POLR1B: variants seen among roughly 807,000 people sequenced by gnomAD.
POLR1B encodes DNA-directed RNA polymerase I subunit RPA2.
POLR1B carries 30 observed loss-of-function variants against 105.8 expected under a neutral mutation model. The observed-to-expected ratio is 0.28, with a 90% CI of 0.21 to 0.38. The LOEUF is 0.38. Ranked by LOEUF, POLR1B falls within the 10% of genes least tolerant of loss-of-function variation. POLR1B has a pLI of 1.00. For synonymous variants in POLR1B, 485 were observed against 505.1 expected (o/e 0.96, Z 0.53); for missense variants, 976 against 1,435.8 (o/e 0.68, Z 5.17).
In POLR1B at chr2:112,573,473, A is replaced by T. The variant is rs140012817; in HGVS notation, c.2272-89A>T. On this transcript the variant is annotated intron_variant, in intron 13 of 14. Transcript: ENST00000263331. ...GGAAAGTTAAAATGTGATGCCAGTT[A>T]TCCTAAACCAAGTATGATAGTCCCA... 603 of 1,457,330 alleles carry T rather than the reference A, an allele frequency of 4.1e-4. 1 individual carries two copies. In the East Asian group the frequency reaches 9.4e-3, roughly 23 times the overall value. 90.3% of individuals were successfully genotyped at this position (1,457,330 alleles called of 1,614,324 possible).
At chr2:112,566,300 AGTAACTT>A (rs1290647102) in intron 10 of POLR1B, among the ~76,000 whole-genome samples, 20 of 152,322 alleles carry the variant, frequency 1.3e-4, no homozygotes, top group African/African-American at 4.6e-4. Flanking sequence ...CTCTGTAATA[AGTAACTT>A]GTGGAGAGAT....
At chr2:112,553,325 G>T (rs1207084383) in intron 7 of POLR1B, 1 of 152,090 alleles carries the variant, frequency 6.6e-6, no homozygotes, top group African/African-American at 2.4e-5. Flanking sequence ...TGCATTTGGT[G>T]CTATGTTTTT....
intron 12 of POLR1B, among the ~76,000 whole-genome samples, chr2:112,569,472 C>T (rs1436489953): frequency 2.0e-5 from 3 of 152,146 alleles, no homozygotes; most frequent in African/African-American, 7.2e-5. Flanking sequence ...TATTTTTCTT[C>T]CAACACTTAA....
intron 5 of POLR1B, among the ~76,000 whole-genome samples, chr2:112,551,289 A>T (rs1683353273): frequency 6.6e-6 from 1 of 152,314 alleles, no homozygotes; most frequent in East Asian, 1.9e-4. Flanking sequence ...AGGACTTCCA[A>T]GGTGGCTCAC....
intron 2 of POLR1B, 61 bp downstream of exon 2, chr2:112,547,240 G>A (rs879069441): frequency 1.1e-5 from 18 of 1,578,616 alleles, no homozygotes; most frequent in Middle Eastern, 1.7e-4. Flanking sequence ...TAGGGCGGGT[G>A]CCTAATAAAG....
intron 3 of POLR1B, among the ~76,000 whole-genome samples, chr2:112,548,673 C>T (rs905283673): frequency 3.3e-5 from 5 of 151,010 alleles, no homozygotes; most frequent in Admixed American, 2.0e-4. Context: ...AGCGCAGTGG[C>T]GCAATCTTGG....
rs41278940 is a variant in POLR1B at position 112,557,723 on chromosome 2, C to T, written c.1159-187C>T. ...TCCCAAGTAGCTGGAACTACAGGCA[C>T]GCCCCACCCCCTCACCCCACCCCCT... is the stretch of plus-strand genomic sequence containing the variant. On this transcript the variant is annotated intron_variant, in intron 7 of 14. Transcript: ENST00000263331. Among the ~76,000 whole-genome samples the T allele has an allele frequency of 0.37, 54,962 of 147,636 alleles. 11,274 individuals are homozygous for T. The highest frequency in any genetic ancestry group is 0.47 in the Middle Eastern group (132 of 278).
chr2:112,545,852 C>T (rs1479677077), intron 1 of POLR1B: 1 of 345,504 alleles, frequency 2.9e-6, no homozygotes, highest in South Asian at 2.2e-5. Context: ...CCCTATGTGG[C>T]CCAGCCTGGT....
intron 1 of POLR1B, 176 bp downstream of exon 1, chr2:112,542,847 G>C (rs1309531605): frequency 1.4e-6 from 1 of 715,358 alleles, no homozygotes; most frequent in East Asian, 2.7e-5. Context: ...GTGAGACTTG[G>C]AGTCGAGGCG....
intron 4 of POLR1B, 47 bp downstream of exon 4, chr2:112,549,446 C>CTTTT: frequency 9.5e-7 from 1 of 1,051,042 alleles, no homozygotes. Flanking sequence ...AAATTTAAAA[C>CTTTT]TTTTTTTTTT....
At chr2:112,551,189 C>T (rs940250162) in intron 5 of POLR1B, among the ~76,000 whole-genome samples, 187 bp downstream of exon 5, 6 of 152,152 alleles carry the variant, frequency 3.9e-5, no homozygotes, top group African/African-American at 9.7e-5. Flanking sequence ...TTCTGCGGGT[C>T]GGGAGTTTGG....
rs889521204 is a variant in POLR1B at position 112,577,389 on chromosome 2, G to A, written c.*1660G>A. 6.6e-6 allele frequency among the ~76,000 whole-genome samples: 1 copy of A among 151,986 alleles called. No homozygotes were observed. The highest frequency in any genetic ancestry group is 1.5e-5 in the Non-Finnish European group (1 of 67,968). ...TCATCTCTACAAAAAAAGCAACAAC[G>A]ACAAAAAAAATTAGCCAAGCATAGT... On this transcript the variant is annotated 3_prime_UTR_variant, in exon 15 of 15. Coordinates refer to ENST00000263331, the MANE Select transcript of POLR1B (RefSeq NM_019014.6).
intron 3 of POLR1B, among the ~76,000 whole-genome samples, chr2:112,548,615 CTT>C (rs199599329): frequency 1.3e-4 from 18 of 142,662 alleles, no homozygotes; most frequent in South Asian, 2.2e-4. Flanking sequence ...TTTTATCTTT[CTT>C]TTTTTTTTTT....
chr2:112,551,828 A>T lies in POLR1B; in HGVS notation c.816A>T (p.Lys272Asn). Residue 272 changes from lysine to asparagine, a missense_variant, in exon 6 of 15, where the codon AAA (lysine) becomes AAT (asparagine). Lys to Asn is a moderately conservative substitution (Grantham distance 94). Transcript: ENST00000263331. The stretch of plus-strand genomic sequence containing the variant: ...TCTTTCAGGAGCTCATCAAAGGAAA[A>T]GAGGATGATTCTTTCCTTAGGAACT... ...YQIFQELIKGKEDDSFLRNSV... is the reference protein window; with the variant it reads ...YQIFQELIKGNEDDSFLRNSV... The T allele has an allele frequency of 6.2e-7, 1 of 1,614,160 alleles. No individual in the cohort carries two copies. The highest frequency in any genetic ancestry group is 8.5e-7 in the Non-Finnish European group (1 of 1,179,996).
chr2:112,555,030 A>AATT (rs1295652081), intron 7 of POLR1B, among the ~76,000 whole-genome samples: 1 of 152,162 alleles, frequency 6.6e-6, no homozygotes, highest in East Asian at 1.9e-4. Context: ...AAAATATAAA[A>AATT]ATTAGCTGGG....
chr2:112,572,880 T>A, intron 13 of POLR1B, 122 bp downstream of exon 13: 2 of 789,134 alleles, frequency 2.5e-6, no homozygotes, highest in Non-Finnish European at 3.8e-6. Context: ...CGTGATGTTC[T>A]ATTAAATGAT....
rs747087340 is a variant in POLR1B, at chr2:112,557,931, G to T, written c.1180G>T (p.Val394Leu). 1 of 1,362,048 alleles carries T rather than the reference G, an allele frequency of 7.3e-7. No individual in the cohort carries two copies. The highest frequency in any genetic ancestry group is 9.6e-7 in the Non-Finnish European group (1 of 1,041,062). 84.4% of individuals were successfully genotyped at this position (1,362,048 alleles called of 1,614,324 possible). Reference protein sequence around the residue: ...FLKEKLEGWLVSIKIAFDKKA... With the variant: ...FLKEKLEGWLLSIKIAFDKKA... ...TCAGGAAAAACTGGAAGGTTGGTTA[G>T]TGTCTATTAAAATAGCTTTTGATAA... is the stretch of plus-strand genomic sequence containing the variant. Residue 394 changes from valine to leucine, a missense_variant, in exon 8 of 15, where the codon GTG (valine) becomes TTG (leucine). By Grantham distance (32) the Val-to-Leu change is conservative (BLOSUM62 1). Transcript: ENST00000263331.
At position 112,573,798 on chromosome 2, in the gene POLR1B, T is replaced by A. The variant is rs984354865; in HGVS notation, c.2508T>A (p.Ser836Arg). ...YSYLNLNTGE[S>R]FVMYYKSKEN... ...ACCTCAACCTCAACACCGGGGAAAG[T>A]TTTGTGATGTACTATAAGTAAGTTT... Residue 836 changes from serine to arginine, a missense_variant, in exon 14 of 15, where the codon AGT (serine) becomes AGA (arginine). Around this residue, in one of 12 missense-constraint regions of POLR1B, gnomAD observed 119 missense variants for 149.7 expected, o/e 0.79. Transcript: ENST00000263331. 6.2e-7 allele frequency: 1 copy of A among 1,613,614 alleles called. No individual in the cohort carries two copies. The highest frequency in any genetic ancestry group is 1.3e-5 in the African/African-American group (1 of 74,878).
chr2:112,549,146 G>T (rs1683227270), intron 3 of POLR1B, 121 bp from the exon 4 acceptor site: 1 of 1,095,248 alleles, frequency 9.1e-7, no homozygotes. Flanking sequence ...GGGATCAGTA[G>T]TACATTTCAC....
Sources: gnomAD v4.1 joint callset for allele counts (sites outside exome capture counted in the v4.1 genomes callset) on GRCh38, gnomAD v4.1.1 for gene constraint, gnomAD v4.1.1 regional missense constraint, MANE v1.5 for transcripts, NCBI Gene and HGNC (gene_info 2026-07-23, HGNC 2026-07-21) for gene names.